The following EBF1 variants were observed in gnomAD, a reference collection of about 807,000 sequenced individuals.
EBF1 encodes transcription factor COE1.
EBF1 carries 10 observed loss-of-function variants against 68.4 expected under a neutral mutation model. The observed-to-expected ratio is 0.15, with a 90% CI of 0.09 to 0.25. The LOEUF (loss-of-function observed/expected upper bound fraction) is 0.25. EBF1 is among the 10% of genes least tolerant of loss of function. The pLI is 1.00. For missense variants in EBF1, 509 were observed against 794.4 expected (o/e 0.64, Z 4.32); for synonymous variants, 298 against 299.8 (o/e 0.99, Z 0.06).
chr5:158,811,953 T>G (rs1782750408), intron 8 of EBF1, among the ~76,000 whole-genome samples: 1 of 152,204 alleles, frequency 6.6e-6, no homozygotes, highest in East Asian at 1.9e-4. Flanking sequence ...TTCTTCAGAC[T>G]TGGCTGAGTC....
chr5:158,852,144 AAAAT>A (rs936611602), intron 6 of EBF1, among the ~76,000 whole-genome samples: 13 of 142,270 alleles, frequency 9.1e-5, no homozygotes, highest in Middle Eastern at 3.6e-3. Flanking sequence ...TGCTTCAAGG[AAAAT>A]AAATAAACTC....
chr5:158,760,927 C>A (rs1441009497), intron 10 of EBF1, among the ~76,000 whole-genome samples: 1 of 152,178 alleles, frequency 6.6e-6, no homozygotes, highest in Non-Finnish European at 1.5e-5. Flanking sequence ...AATGTACTGA[C>A]ATGTTTTTTG....
chr5:158,863,194 C>T (rs564874024), intron 6 of EBF1, among the ~76,000 whole-genome samples: 39 of 152,242 alleles, frequency 2.6e-4, no homozygotes, highest in African/African-American at 9.4e-4. Flanking sequence ...CTCTCTTAAG[C>T]CTCCCCCCAT....
At chr5:159,052,658 C>T (rs1288228027) in intron 6 of EBF1, among the ~76,000 whole-genome samples, 1 of 152,172 alleles carries the variant, frequency 6.6e-6, no homozygotes, top group Admixed American at 6.5e-5. Context: ...TGGACGGATC[C>T]TTTACCATGA....
intron 9 of EBF1, among the ~76,000 whole-genome samples, chr5:158,793,699 T>C (rs1779109607): frequency 6.6e-6 from 1 of 152,222 alleles, no homozygotes; most frequent in South Asian, 2.1e-4. Flanking sequence ...ACAGGAGTAT[T>C]GCATACAAGC....
At chr5:159,068,885 G>A (rs1561937530) in intron 6 of EBF1, among the ~76,000 whole-genome samples, 3 of 151,922 alleles carry the variant, frequency 2.0e-5, no homozygotes, top group African/African-American at 7.3e-5. Flanking sequence ...AACAGACTAG[G>A]TTTTTCATTT....
intron 9 of EBF1, among the ~76,000 whole-genome samples, chr5:158,795,158 A>T (rs1004071970): frequency 6.6e-6 from 1 of 152,226 alleles, no homozygotes; most frequent in African/African-American, 2.4e-5. Flanking sequence ...CAAGTATCAC[A>T]GTCTTAACTT....
chr5:158,913,321 G>A (rs939397852), intron 6 of EBF1, among the ~76,000 whole-genome samples: 3 of 152,110 alleles, frequency 2.0e-5, no homozygotes, highest in Non-Finnish European at 4.4e-5. Context: ...ATCAGAAATA[G>A]GATTAAGACC....
In EBF1 at chr5:158,754,809, A is replaced by G. The variant is rs957622410; in HGVS notation, c.1036+22604T>C. Among the ~76,000 whole-genome samples the G allele has an allele frequency of 2.0e-5, 3 of 152,154 alleles. 1 individual carries two copies. Among genetic ancestry groups the G allele is most frequent in the African/African-American group, 4.8e-5 (2 of 41,438 alleles). On this transcript the variant is annotated intron_variant, in intron 10 of 15. Coordinates refer to ENST00000313708, the MANE Select transcript of EBF1 (RefSeq NM_024007.5). ...TAAGCACCTTATTTTGCTCTAAACA[A>G]AAGTATTTAGATGACAATGGATGAA... is the stretch of plus-strand genomic sequence containing the variant.
intron 10 of EBF1, among the ~76,000 whole-genome samples, chr5:158,736,283 T>C (rs557494503): frequency 6.6e-6 from 1 of 152,234 alleles, no homozygotes; most frequent in African/African-American, 2.4e-5. Context: ...CTTGAATACT[T>C]ATTCCTGGAA....
chr5:158,862,210 T>C (rs1349185323), intron 6 of EBF1, among the ~76,000 whole-genome samples: 1 of 152,074 alleles, frequency 6.6e-6, no homozygotes, highest in Admixed American at 6.6e-5. Flanking sequence ...GGTAAAATAG[T>C]TTCATCTGAA....
chr5:158,806,610 G>A (rs981854766), intron 8 of EBF1, among the ~76,000 whole-genome samples: 1 of 152,186 alleles, frequency 6.6e-6, no homozygotes. Context: ...AACATTTAGG[G>A]GACAGAGAAC....
At position 159,084,652 on chromosome 5, in the gene EBF1, A is replaced by G. The variant is rs1186486529; in HGVS notation, c.485+14T>C. 6.4e-7 allele frequency: 1 copy of G among 1,554,370 alleles called. No individual in the cohort carries two copies. Among genetic ancestry groups the G allele is most frequent in the Non-Finnish European group, 8.7e-7 (1 of 1,148,088 alleles). On this transcript the variant is annotated intron_variant, in intron 5 of 15. Transcript: ENST00000313708. ...TCTTTGCTAATTAACGGGAGAGACC[A>G]AGATATTTCTTACCTGCACATGATC...
intron 6 of EBF1, among the ~76,000 whole-genome samples, chr5:158,970,388 C>T (rs1755399086): frequency 6.6e-6 from 1 of 152,108 alleles, no homozygotes; most frequent in South Asian, 2.1e-4. Flanking sequence ...CAAAAGTCAC[C>T]TGGGGAAATC....
At chr5:158,961,028 A>G (rs1018733385) in intron 6 of EBF1, among the ~76,000 whole-genome samples, 7 of 152,262 alleles carry the variant, frequency 4.6e-5, no homozygotes, top group African/African-American at 1.4e-4. Context: ...GAAAATGAAT[A>G]GGCAATTCAC....
intron 6 of EBF1, among the ~76,000 whole-genome samples, chr5:159,048,494 G>A (rs918041894): frequency 2.4e-4 from 37 of 152,310 alleles, no homozygotes; most frequent in African/African-American, 7.9e-4. Context: ...CAGGTGCCAG[G>A]AGATAATGCT....
chr5:158,936,127 C>G (rs1811968843), intron 6 of EBF1, among the ~76,000 whole-genome samples: 1 of 152,150 alleles, frequency 6.6e-6, no homozygotes, highest in Non-Finnish European at 1.5e-5. Flanking sequence ...ACACAAAATG[C>G]CTTGCTACCT....
intron 5 of EBF1, among the ~76,000 whole-genome samples, chr5:159,077,122 A>G (rs1160800748): frequency 1.3e-5 from 2 of 152,222 alleles, no homozygotes; most frequent in African/African-American, 4.8e-5. Flanking sequence ...AAGTCTCTGC[A>G]TAATGTCAAC....
At chr5:158,710,000 A>G (rs1364259762) in intron 14 of EBF1, among the ~76,000 whole-genome samples, 1 of 152,238 alleles carries the variant, frequency 6.6e-6, no homozygotes, top group Non-Finnish European at 1.5e-5. Flanking sequence ...TCCATTTGTT[A>G]TAACATTATT....
Sources: allele counts gnomAD v4.1 joint callset (sites outside exome capture counted in the v4.1 genomes callset), GRCh38; gene constraint gnomAD v4.1.1; transcripts MANE v1.5; gene names NCBI Gene and HGNC (gene_info 2026-07-23, HGNC 2026-07-21).